Variants in RAD51B observed in about 807,000 individuals in gnomAD.
RAD51B encodes the protein RAD51 paralog B.
In RAD51B, 38 loss-of-function variants were observed where a neutral mutation model predicts 42.2. The ratio of observed to expected loss-of-function variants is 0.90; its 90% CI spans 0.70 to 1.18. RAD51B has a LOEUF of 1.18. Ranked by LOEUF, RAD51B falls within the 50% of genes most tolerant of loss-of-function variation. The pLI is 0.00. For synonymous variants in RAD51B, 154 were observed against 145.2 expected (o/e 1.06, Z -0.43); for missense variants, 373 against 400.7 (o/e 0.93, Z 0.59).
intron 7 of RAD51B, among the ~76,000 whole-genome samples, chr14:67,969,093 C>A (rs113599586): frequency 1.3e-5 from 2 of 151,984 alleles, no homozygotes; most frequent in South Asian, 2.1e-4. Context: ...TTCACTATCA[C>A]GAGAACAGTA....
At chr14:67,947,024 T>C (rs1259440108) in intron 7 of RAD51B, among the ~76,000 whole-genome samples, 1 of 152,232 alleles carries the variant, frequency 6.6e-6, no homozygotes, top group East Asian at 1.9e-4. Context: ...AGCCCTGTTA[T>C]ACATAATAAT....
chr14:67,859,996 AT>A (rs1365349303), intron 4 of RAD51B, among the ~76,000 whole-genome samples: 2 of 151,996 alleles, frequency 1.3e-5, no homozygotes, highest in Non-Finnish European at 2.9e-5. Context: ...AATTTTTTGT[AT>A]TTTTAGTAGA....
chr14:68,416,708 G>T (rs1007962854), intron 9 of RAD51B, among the ~76,000 whole-genome samples: 1 of 152,202 alleles, frequency 6.6e-6, no homozygotes, highest in African/African-American at 2.4e-5. Context: ...GAATACTGAA[G>T]ATAGGAATAC....
chr14:68,486,969 A>G (rs1003491621), intron 10 of RAD51B, among the ~76,000 whole-genome samples: 1 of 152,196 alleles, frequency 6.6e-6, no homozygotes. Flanking sequence ...AACTGGGATT[A>G]CCAACACCTT....
At chr14:68,587,641 T>C (rs894855159) in intron 10 of RAD51B, among the ~76,000 whole-genome samples, 1 of 151,834 alleles carries the variant, frequency 6.6e-6, no homozygotes, top group Non-Finnish European at 1.5e-5. Context: ...CAGAACCGTA[T>C]CAAGTCCTAC....
At chr14:67,985,803 G>A (rs1041947627) in intron 7 of RAD51B, among the ~76,000 whole-genome samples, 6 of 152,098 alleles carry the variant, frequency 3.9e-5, no homozygotes, top group African/African-American at 1.2e-4. Context: ...CCAGCTACTT[G>A]GGAGGCTGAG....
At chr14:68,090,405 C>A (rs1340483718) in intron 7 of RAD51B, among the ~76,000 whole-genome samples, 1 of 152,052 alleles carries the variant, frequency 6.6e-6, no homozygotes, top group Admixed American at 6.5e-5. Flanking sequence ...ACAGATTGTT[C>A]TAAATTTCTT....
At chr14:68,430,523 A>G (rs2084974799) in intron 9 of RAD51B, among the ~76,000 whole-genome samples, 1 of 152,130 alleles carries the variant, frequency 6.6e-6, no homozygotes, top group Non-Finnish European at 1.5e-5. Context: ...GTGAATGGGA[A>G]TTCACTCAGG....
intron 4 of RAD51B, among the ~76,000 whole-genome samples, chr14:67,851,268 T>A (rs1403431526): frequency 6.6e-6 from 1 of 152,006 alleles, no homozygotes. Context: ...TTGATGGGGC[T>A]GGATTGTTGG....
At chr14:68,265,171 A>G (rs2080966130) in intron 7 of RAD51B, among the ~76,000 whole-genome samples, 1 of 152,248 alleles carries the variant, frequency 6.6e-6, no homozygotes, top group African/African-American at 2.4e-5. Flanking sequence ...AACATTTATC[A>G]GTAGTTTAGA....
chr14:68,336,780 A>G (rs1047320896), intron 8 of RAD51B, among the ~76,000 whole-genome samples: 1 of 152,222 alleles, frequency 6.6e-6, no homozygotes, highest in Admixed American at 6.5e-5. Context: ...TGGCTTTTAG[A>G]CACCAACCCA....
intron 7 of RAD51B, among the ~76,000 whole-genome samples, chr14:68,044,163 C>T (rs1226810412): frequency 6.6e-6 from 1 of 152,164 alleles, no homozygotes; most frequent in African/African-American, 2.4e-5. Context: ...GAGAAAACAG[C>T]AGTGCAAGCA....
intron 4 of RAD51B, among the ~76,000 whole-genome samples, chr14:67,853,606 T>G (rs1297032342): frequency 6.6e-6 from 1 of 152,210 alleles, no homozygotes; most frequent in Non-Finnish European, 1.5e-5. Context: ...TCTTTGTTTC[T>G]GGTTAAAAGG....
At chr14:68,059,133 C>T (rs1008026297) in intron 7 of RAD51B, among the ~76,000 whole-genome samples, 1 of 152,148 alleles carries the variant, frequency 6.6e-6, no homozygotes, top group Non-Finnish European at 1.5e-5. Context: ...ATCACTTATG[C>T]GTGATCCCAA....
chr14:68,226,970 T>C (rs1278151824), intron 7 of RAD51B, among the ~76,000 whole-genome samples: 1 of 152,222 alleles, frequency 6.6e-6, no homozygotes, highest in Non-Finnish European at 1.5e-5. Context: ...TACTAAATGA[T>C]AGGCACTATG....
At chr14:68,590,420 C>T (rs949767142) in intron 10 of RAD51B, among the ~76,000 whole-genome samples, 2 of 152,246 alleles carry the variant, frequency 1.3e-5, no homozygotes, top group Admixed American at 1.3e-4. Context: ...CCCAGCTTGC[C>T]AGCATGGCAG....
At chr14:68,443,035 G>T (rs565255470) in intron 9 of RAD51B, among the ~76,000 whole-genome samples, 1 of 152,210 alleles carries the variant, frequency 6.6e-6, no homozygotes, top group East Asian at 1.9e-4. Context: ...AAGGAGTCCT[G>T]GTTTTGGTTT....
intron 10 of RAD51B, among the ~76,000 whole-genome samples, chr14:68,623,107 A>G (rs1891991836): frequency 6.6e-6 from 1 of 152,190 alleles, no homozygotes; most frequent in Non-Finnish European, 1.5e-5. Flanking sequence ...AAGAGGGTGA[A>G]GGGTTCTTGG....
intron 10 of RAD51B, among the ~76,000 whole-genome samples, chr14:68,626,117 G>A (rs1456359862): frequency 1.3e-5 from 2 of 152,228 alleles, no homozygotes; most frequent in Non-Finnish European, 2.9e-5. Flanking sequence ...AGGAGGGTAG[G>A]AATCAAATCA....
Sources: gnomAD v4.1 joint callset for allele counts (sites outside exome capture counted in the v4.1 genomes callset) on GRCh38, gnomAD v4.1.1 for gene constraint, MANE v1.5 for transcripts, NCBI Gene and HGNC (gene_info 2026-07-23, HGNC 2026-07-21) for gene names.